QTMAN: variants seen among roughly 807,000 people sequenced by gnomAD.
QTMAN encodes queuosine-tRNA mannosyltransferase, also known as tRNA-queuosine alpha-mannosyltransferase.
the QTMAN span, among the ~76,000 whole-genome samples, chr2:143,993,077 C>T: frequency 7.7e-4 from 117 of 152,190 alleles, no homozygotes; most frequent in African/African-American, 2.8e-3. Flanking sequence ...TGATAATGAA[C>T]ATTATTAATG....
chr2:144,301,232 GTTTGT>G, the QTMAN span, among the ~76,000 whole-genome samples: 3 of 151,980 alleles, frequency 2.0e-5, no homozygotes, highest in Non-Finnish European at 4.4e-5. Context: ...TTGTTTGTTT[GTTTGT>G]TTTGAGACAG....
At chr2:144,250,511 A>G in the QTMAN span, among the ~76,000 whole-genome samples, 1 of 152,170 alleles carries the variant, frequency 6.6e-6, no homozygotes, top group Non-Finnish European at 1.5e-5. Context: ...AAAATATATC[A>G]TAACAGTTGA....
chr2:144,297,964 C>G, the QTMAN span, among the ~76,000 whole-genome samples: 2 of 151,562 alleles, frequency 1.3e-5, no homozygotes, highest in African/African-American at 4.8e-5. Flanking sequence ...CATTATTATA[C>G]CAATGGTAAA....
the QTMAN span, among the ~76,000 whole-genome samples, chr2:144,253,316 T>C: frequency 6.6e-6 from 1 of 152,216 alleles, no homozygotes; most frequent in East Asian, 1.9e-4. Flanking sequence ...GAAAGCAAAC[T>C]AATGCAGTAA....
chr2:144,136,395 A>AAAGGAAAGGAAAGG, the QTMAN span, among the ~76,000 whole-genome samples: 25 of 97,440 alleles, frequency 2.6e-4, no homozygotes, highest in African/African-American at 9.3e-4. Flanking sequence ...AAGGAAAAGG[A>AAAGGAAAGGAAAGG]AAAGGAAAGG....
At chr2:144,205,118 A>G in the QTMAN span, among the ~76,000 whole-genome samples, 1 of 152,136 alleles carries the variant, frequency 6.6e-6, no homozygotes, top group African/African-American at 2.4e-5. Context: ...CATTGTGCAC[A>G]TGTACCCTAA....
chr2:144,145,658 C>A, the QTMAN span: 12 of 1,611,362 alleles, frequency 7.4e-6, no homozygotes, highest in Non-Finnish European at 1.0e-5. Flanking sequence ...CGTGAAAATA[C>A]AGAATCTTTT....
At chr2:144,118,569 G>A in the QTMAN span, among the ~76,000 whole-genome samples, 1 of 152,166 alleles carries the variant, frequency 6.6e-6, no homozygotes, top group Non-Finnish European at 1.5e-5. Context: ...CTATGATGTT[G>A]AATTTGCATT....
At chr2:144,316,669 A>G in the QTMAN span, among the ~76,000 whole-genome samples, 1 of 152,188 alleles carries the variant, frequency 6.6e-6, no homozygotes. Context: ...GTCCAGATAC[A>G]ATATTCGCAA....
chr2:144,269,237 A>T, the QTMAN span, among the ~76,000 whole-genome samples: 1 of 152,176 alleles, frequency 6.6e-6, no homozygotes, highest in Non-Finnish European at 1.5e-5. Flanking sequence ...GTAAAATATA[A>T]TCCCAAAAAA....
chr2:144,276,222 A>G, the QTMAN span, among the ~76,000 whole-genome samples: 1 of 152,042 alleles, frequency 6.6e-6, no homozygotes, highest in Admixed American at 6.6e-5. Context: ...TTTAAAAAAA[A>G]AAGTTATAGA....
At chr2:144,081,700 A>G in the QTMAN span, among the ~76,000 whole-genome samples, 1 of 152,152 alleles carries the variant, frequency 6.6e-6, no homozygotes, top group Non-Finnish European at 1.5e-5. Flanking sequence ...GGGGAACAGG[A>G]GGGAGACAGC....
chr2:144,302,540 A>G, the QTMAN span, among the ~76,000 whole-genome samples: 1 of 152,144 alleles, frequency 6.6e-6, no homozygotes, highest in Non-Finnish European at 1.5e-5. Flanking sequence ...TTACCTCAAA[A>G]AGCCACACGG....
chr2:144,229,802 C>CA, the QTMAN span, among the ~76,000 whole-genome samples: 3 of 152,084 alleles, frequency 2.0e-5, no homozygotes, highest in Non-Finnish European at 2.9e-5. Flanking sequence ...GAAGGTAAGT[C>CA]AAAAAATCCA....
the QTMAN span, among the ~76,000 whole-genome samples, chr2:144,247,693 G>A: frequency 1.3e-5 from 2 of 151,822 alleles, no homozygotes; most frequent in Non-Finnish European, 2.9e-5. Context: ...TCTTTTTTTT[G>A]ACAGGGTCTC....
At chr2:144,223,055 C>G in the QTMAN span, among the ~76,000 whole-genome samples, 1 of 152,084 alleles carries the variant, frequency 6.6e-6, no homozygotes, top group Non-Finnish European at 1.5e-5. Flanking sequence ...TAAAGGGAAT[C>G]TCCAAGCTCT....
the QTMAN span, among the ~76,000 whole-genome samples, chr2:144,076,376 A>C: frequency 6.6e-6 from 1 of 152,340 alleles, no homozygotes; most frequent in East Asian, 1.9e-4. Context: ...CCTGAGGTGC[A>C]CAGTCCCAAA....
At chr2:143,987,726 C>T in the QTMAN span, among the ~76,000 whole-genome samples, 24 of 152,170 alleles carry the variant, frequency 1.6e-4, no homozygotes, top group South Asian at 4.1e-4. Flanking sequence ...ATAGTCTCTG[C>T]GCTTAAGGTA....
chr2:144,102,976 C>T, the QTMAN span, among the ~76,000 whole-genome samples: 1 of 152,152 alleles, frequency 6.6e-6, no homozygotes, highest in East Asian at 1.9e-4. Context: ...CCACTTTTCC[C>T]CAAACCCCAC....
Sources: allele counts gnomAD v4.1 joint callset (sites outside exome capture counted in the v4.1 genomes callset), GRCh38; gene constraint gnomAD v4.1.1; transcripts MANE v1.5; gene names NCBI Gene and HGNC (gene_info 2026-07-23, HGNC 2026-07-21).